TAF1: variants seen among roughly 807,000 people sequenced by gnomAD.
TAF1 encodes TATA-box binding protein associated factor 1.
A neutral mutation model predicts 138.5 loss-of-function variants in TAF1; 2 were observed. The ratio of observed to expected loss-of-function variants is 0.01; its 90% CI spans 0.01 to 0.05. The LOEUF is 0.05. Ranked by LOEUF, TAF1 falls within the 10% of genes least tolerant of loss-of-function variation. The pLI is 1.00. For missense variants in TAF1, 709 were observed against 1,478.0 expected, an observed-to-expected ratio of 0.48 and a Z score of 8.53; for synonymous variants, 437 against 503.2, an observed-to-expected ratio of 0.87 and a Z score of 1.76.
At chrX:71,439,503 C>T (rs5981112) in intron 32 of TAF1, among the ~76,000 whole-genome samples, 26,196 of 110,607 alleles carry the variant, frequency 0.24, 2,681 homozygotes, top group African/African-American at 0.39. Flanking sequence ...TCTAGAAATA[C>T]ATAAAATTAA....
At chrX:71,479,973 C>G (rs745562142) in intron 13 of TAF1, among the ~76,000 whole-genome samples, 10 of 111,545 alleles carry the variant, frequency 9.0e-5, no homozygotes, top group African/African-American at 2.3e-4. Flanking sequence ...GCCTGTAATC[C>G]CAGCACTTTG....
intron 13 of TAF1, among the ~76,000 whole-genome samples, chrX:71,472,583 C>A (rs1363248270): frequency 9.1e-6 from 1 of 110,142 alleles, no homozygotes; most frequent in African/African-American, 3.3e-5. Context: ...AATACAAAAA[C>A]CAGCCGGGCG....
chrX:71,390,229 A>G (rs895473447), intron 18 of TAF1, among the ~76,000 whole-genome samples: 3 of 111,683 alleles, frequency 2.7e-5, no homozygotes, highest in South Asian at 3.7e-4. Context: ...AAGACTTCAC[A>G]TGATTTGGGC....
chrX:71,384,800 T>A (rs1270338647), intron 13 of TAF1, 145 bp from the exon 14 acceptor site: 1 of 437,117 alleles, frequency 2.3e-6, no homozygotes, highest in Non-Finnish European at 3.8e-6. Context: ...GTAAGTATAA[T>A]GCAACTATTC....
chrX:71,427,979 A>G (rs1441434208), intron 32 of TAF1, among the ~76,000 whole-genome samples: 9 of 99,209 alleles, frequency 9.1e-5, no homozygotes, highest in Non-Finnish European at 1.8e-4. Flanking sequence ...AGAAAGAGAT[A>G]CTTTTTTTTT....
intron 8 of TAF1, among the ~76,000 whole-genome samples, chrX:71,381,129 C>T (rs1160573189): frequency 8.9e-6 from 1 of 112,553 alleles, no homozygotes; most frequent in East Asian, 2.7e-4. Context: ...CAATTTATTA[C>T]CATTTATTGT....
intron 36 of TAF1, 125 bp from the exon 37 acceptor site, chrX:71,460,501 A>T (rs1323040692): frequency 1.4e-6 from 1 of 723,404 alleles, no homozygotes; most frequent in African/African-American, 2.2e-5. Flanking sequence ...ATTTGAGGAG[A>T]GGCGTATAGG....
rs771547111 is a variant in TAF1 at position 71,478,556 on chromosome X, G to A, written c.1366+17753G>A. Among the ~76,000 whole-genome samples the A allele has an allele frequency of 2.7e-5, 3 of 110,459 alleles. No individual in the cohort carries two copies. The East Asian group carries it at 8.5e-4, about 31-fold the overall frequency. ...CAAACAAACAAACAAACAAAAACAA[G>A]AGAATCCTGGCCAAGTGCGATGGCT... On this transcript the variant is annotated intron_variant and NMD_transcript_variant, in intron 13 of 14. Transcript: ENST00000373775.
chrX:71,422,970 T>C, intron 29 of TAF1, 147 bp from the exon 30 acceptor site: 1 of 714,659 alleles, frequency 1.4e-6, no homozygotes, highest in Non-Finnish European at 2.0e-6. Context: ...TCTTGATCTC[T>C]TGACCTTGTG....
intron 32 of TAF1, among the ~76,000 whole-genome samples, chrX:71,451,242 A>C (rs1049016961): frequency 1.8e-5 from 2 of 112,171 alleles, no homozygotes; most frequent in Non-Finnish European, 3.8e-5. Flanking sequence ...AACTAAGGCC[A>C]TATGGGGACC....
chrX:71,384,881 A>T, intron 13 of TAF1, 64 bp from the exon 14 acceptor site: 5 of 846,901 alleles, frequency 5.9e-6, no homozygotes, highest in Non-Finnish European at 8.5e-6. Context: ...GTAAAGTGCT[A>T]TGGTCATATT....
rs149995675 is a variant in TAF1 at position 71,429,547 on chromosome X, G to A, written c.4753+5309G>A. Among the ~76,000 whole-genome samples the A allele has an allele frequency of 9.9e-3, 1,090 of 110,489 alleles. 10 individuals are homozygous for A. The highest frequency in any genetic ancestry group is 0.033 in the African/African-American group (1,005 of 30,356). ...TGGTAGTGAGATACGAGATTTTAAAGGTAGAGGGGCCAAATCATGAAACGC... is the reference window on the plus strand; with the variant it reads ...TGGTAGTGAGATACGAGATTTTAAAAGTAGAGGGGCCAAATCATGAAACGC... On this transcript the variant is annotated intron_variant, in intron 32 of 37. Transcript: ENST00000423759.
rs1361774582 is a variant in TAF1 at position 71,378,215 on chromosome X, ACTT to A, written c.934-16_934-14del. 9.1e-6 allele frequency: 11 copies of A among 1,203,635 alleles called. No homozygotes were observed. Among genetic ancestry groups the A allele is most frequent in the Non-Finnish European group, 1.2e-5 (11 of 889,633 alleles). On this transcript the variant is annotated splice_polypyrimidine_tract_variant and intron_variant, in intron 6 of 37. Transcript: ENST00000423759. ...GGGATCAGGAAATTCTCCCTGCTCTACTTCTTTCTTCTGTTACAGATCACGATG... is the reference window on the plus strand; with the variant it reads ...GGGATCAGGAAATTCTCCCTGCTCTACTTTCTTCTGTTACAGATCACGATG...
chrX:71,508,629 A>T (rs1408606980), intron 13 of TAF1, among the ~76,000 whole-genome samples: 1 of 106,636 alleles, frequency 9.4e-6, no homozygotes, highest in African/African-American at 3.4e-5. Context: ...AAAAGAAAAA[A>T]AAAAAAGAAA....
rs995666909 is a variant in TAF1, at chrX:71,375,052, G to A, written c.353-115G>A. ...GATTGCACCGCTGCACTCCAGCCTG[G>A]GCGACAGAGCAAGACTCTGTCTCAA... On this transcript the variant is annotated intron_variant, in intron 3 of 37. Transcript: ENST00000423759. 2.4e-4 allele frequency: 245 copies of A among 1,005,620 alleles called. 1 individual carries two copies. Among genetic ancestry groups the A allele is most frequent in the Non-Finnish European group, 3.1e-4 (235 of 760,400 alleles). The allele number at this position is 1,005,620 out of a possible 1,213,427, so 82.9% of individuals were successfully genotyped here. A position where few individuals can be genotyped will look rare whatever the true frequency, so the allele number is the denominator to read the frequency against.
At chrX:71,438,791 C>T (rs1235828723) in intron 32 of TAF1, among the ~76,000 whole-genome samples, 5 of 111,278 alleles carry the variant, frequency 4.5e-5, no homozygotes, top group East Asian at 2.8e-4. Context: ...GGTGAAACCC[C>T]GTCTTCACTA....
chrX:71,371,366 G>A (rs1353750759), intron 3 of TAF1, among the ~76,000 whole-genome samples: 1 of 111,318 alleles, frequency 9.0e-6, no homozygotes, highest in Non-Finnish European at 1.9e-5. Context: ...TGCTAATAAA[G>A]CTTTCATGGA....
intron 28 of TAF1, among the ~76,000 whole-genome samples, chrX:71,411,268 G>C (rs112220504): frequency 9.0e-6 from 1 of 111,215 alleles, no homozygotes; most frequent in African/African-American, 3.3e-5. Flanking sequence ...TTTTAGTAGA[G>C]ACAGGGTTTC....
chrX:71,427,887 C>T (rs1171249159), intron 32 of TAF1, among the ~76,000 whole-genome samples: 2 of 98,690 alleles, frequency 2.0e-5, no homozygotes, highest in Admixed American at 1.1e-4. Flanking sequence ...TGCGGTGAGC[C>T]GAGATAGTGC....
Sources: allele counts gnomAD v4.1 joint callset (sites outside exome capture counted in the v4.1 genomes callset), GRCh38; gene constraint gnomAD v4.1.1; transcripts MANE v1.5; gene names NCBI Gene and HGNC (gene_info 2026-07-23, HGNC 2026-07-21).